NR6A1: variants seen among roughly 807,000 people sequenced by gnomAD.
The protein encoded by NR6A1 is nuclear receptor subfamily 6 group A member 1.
A neutral mutation model predicts 59.1 loss-of-function variants in NR6A1; 7 were observed. The ratio of observed to expected loss-of-function variants is 0.12; its 90% CI spans 0.07 to 0.22. NR6A1 has a LOEUF of 0.22. Ranked by LOEUF, NR6A1 falls within the 10% of genes least tolerant of loss-of-function variation. NR6A1 has a pLI of 1.00. For missense variants in NR6A1, 468 were observed against 611.6 expected, an observed-to-expected ratio of 0.77 and a Z score of 2.48; for synonymous variants, 243 against 236.1, an observed-to-expected ratio of 1.03 and a Z score of -0.27.
intron 2 of NR6A1, among the ~76,000 whole-genome samples, chr9:124,628,023 G>A (rs1471850555): frequency 2.0e-5 from 3 of 150,044 alleles, no homozygotes; most frequent in Non-Finnish European, 4.4e-5. Context: ...TGCTTTTGTT[G>A]TTGTTATTGT....
chr9:124,643,150 T>C (rs996165575), intron 2 of NR6A1, among the ~76,000 whole-genome samples: 3 of 151,216 alleles, frequency 2.0e-5, no homozygotes, highest in South Asian at 2.1e-4. Flanking sequence ...ACAATGAATA[T>C]ATATTACCTT....
intron 6 of NR6A1, among the ~76,000 whole-genome samples, chr9:124,536,782 A>G (rs551575404): frequency 6.6e-6 from 1 of 152,284 alleles, no homozygotes; most frequent in East Asian, 1.9e-4. Flanking sequence ...AGTTCTGGCA[A>G]TGGAACTCTA....
intron 2 of NR6A1, among the ~76,000 whole-genome samples, chr9:124,559,968 TA>T (rs1409331781): frequency 5.9e-5 from 9 of 152,344 alleles, no homozygotes; most frequent in African/African-American, 2.2e-4. Context: ...GCAACACTAG[TA>T]AGTACATACA....
chr9:124,704,355 G>T lies in NR6A1; in HGVS notation c.142+28953C>A, dbSNP rs554563653. Among the ~76,000 whole-genome samples the T allele has an allele frequency of 2.0e-5, 3 of 152,058 alleles. No homozygotes were observed. In the South Asian group the frequency reaches 6.2e-4, roughly 31 times the overall value. On this transcript the variant is annotated intron_variant, in intron 2 of 9. Transcript: ENST00000487099. ...CAACTGGTTTTGTGCTTTCCATTTC[G>T]TTGTTTTCCATTCTAATCTTTATTG... is the stretch of plus-strand genomic sequence containing the variant.
At chr9:124,610,327 T>C (rs1329219145) in intron 2 of NR6A1, among the ~76,000 whole-genome samples, 1 of 152,222 alleles carries the variant, frequency 6.6e-6, no homozygotes, top group African/African-American at 2.4e-5. Context: ...TTGAATTTTA[T>C]AGAAGGCCTT....
chr9:124,679,494 G>A (rs1006325305), intron 2 of NR6A1, among the ~76,000 whole-genome samples: 4 of 152,120 alleles, frequency 2.6e-5, no homozygotes, highest in African/African-American at 9.7e-5. Context: ...AAAACCATCC[G>A]TAGGGAGCCA....
intron 2 of NR6A1, among the ~76,000 whole-genome samples, chr9:124,557,345 G>A (rs1179612114): frequency 6.6e-6 from 1 of 152,086 alleles, no homozygotes; most frequent in African/African-American, 2.4e-5. Context: ...ATGTTGGCCA[G>A]GCTGGTCTTG....
chr9:124,614,721 G>A (rs1835841758), intron 2 of NR6A1, among the ~76,000 whole-genome samples: 3 of 152,176 alleles, frequency 2.0e-5, no homozygotes, highest in Non-Finnish European at 4.4e-5. Flanking sequence ...AAAAATGACT[G>A]TAAAGATAAT....
intron 2 of NR6A1, among the ~76,000 whole-genome samples, chr9:124,708,990 G>T (rs116232104): frequency 0.01 from 1,570 of 152,286 alleles, 25 homozygotes; most frequent in African/African-American, 0.036. Flanking sequence ...GCCAGTAACT[G>T]CGTGACCTGA....
intron 2 of NR6A1, among the ~76,000 whole-genome samples, chr9:124,585,440 A>C (rs978785111): frequency 6.6e-6 from 1 of 150,384 alleles, no homozygotes; most frequent in Non-Finnish European, 1.5e-5. Flanking sequence ...GCTACTCGGG[A>C]GGCTAAGGCA....
chr9:124,626,581 A>G (rs550879724), intron 2 of NR6A1, among the ~76,000 whole-genome samples: 1 of 152,228 alleles, frequency 6.6e-6, no homozygotes, highest in East Asian at 1.9e-4. Context: ...CAAATTATAT[A>G]TATTTCCAAA....
intron 2 of NR6A1, among the ~76,000 whole-genome samples, chr9:124,665,477 C>T (rs1837584714): frequency 6.6e-6 from 1 of 152,156 alleles, no homozygotes; most frequent in Non-Finnish European, 1.5e-5. Flanking sequence ...TGGTAAACCA[C>T]TCTCTCATAT....
chr9:124,686,529 C>A (rs889346759), intron 2 of NR6A1, among the ~76,000 whole-genome samples: 1 of 152,036 alleles, frequency 6.6e-6, no homozygotes, highest in African/African-American at 2.4e-5. Flanking sequence ...GAACAATAAT[C>A]GCTGGTAGAG....
intron 7 of NR6A1, among the ~76,000 whole-genome samples, chr9:124,529,196 C>G (rs1282933939): frequency 6.6e-6 from 1 of 152,216 alleles, no homozygotes; most frequent in Non-Finnish European, 1.5e-5. Flanking sequence ...ACAATAACCA[C>G]CAATCTATAA....
chr9:124,610,944 C>CT (rs1233003229), intron 2 of NR6A1, among the ~76,000 whole-genome samples: 3 of 152,116 alleles, frequency 2.0e-5, no homozygotes, highest in African/African-American at 7.2e-5. Flanking sequence ...CGGAGAGGTG[C>CT]TTTTGACCCC....
intron 1 of NR6A1, among the ~76,000 whole-genome samples, chr9:124,763,479 G>A (rs1255603072): frequency 1.3e-5 from 2 of 152,166 alleles, no homozygotes; most frequent in African/African-American, 2.4e-5. Flanking sequence ...GAGGTTTGCA[G>A]ACCACACTTT....
At chr9:124,641,092 C>T (rs915286342) in intron 2 of NR6A1, among the ~76,000 whole-genome samples, 2 of 152,152 alleles carry the variant, frequency 1.3e-5, no homozygotes, top group African/African-American at 4.8e-5. Context: ...TGTCTCACAC[C>T]TGTAATCCCA....
At chr9:124,523,771 A>T (rs1356273403) in intron 9 of NR6A1, among the ~76,000 whole-genome samples, 1 of 152,188 alleles carries the variant, frequency 6.6e-6, no homozygotes, top group African/African-American at 2.4e-5. Flanking sequence ...TAGAAAAAAA[A>T]ATTCCCTTGT....
At chr9:124,629,266 G>T (rs566631652) in intron 2 of NR6A1, among the ~76,000 whole-genome samples, 8 of 152,188 alleles carry the variant, frequency 5.3e-5, no homozygotes, top group South Asian at 2.1e-4. Context: ...AATTAAATTC[G>T]ATTTTAACTC....
Sources: allele counts gnomAD v4.1 joint callset (sites outside exome capture counted in the v4.1 genomes callset), GRCh38; gene constraint gnomAD v4.1.1; transcripts MANE v1.5; gene names NCBI Gene and HGNC (gene_info 2026-07-23, HGNC 2026-07-21).